ZNF337: variants seen among roughly 807,000 people sequenced by gnomAD.
ZNF337 encodes the protein zinc finger protein 337.
A neutral mutation model predicts 12.1 loss-of-function variants in ZNF337; 8 were observed. That is an observed-to-expected ratio of 0.66 (90% confidence interval 0.39 to 1.19). The LOEUF is 1.19. ZNF337 is among the 50% of genes most tolerant of loss of function. The probability of loss-of-function intolerance (pLI) is 0.01; values close to 1 mark genes in which losing one functional copy is unlikely to be tolerated. For synonymous variants in ZNF337, 336 were observed against 320.0 expected (o/e 1.05, Z -0.53); for missense variants, 882 against 896.6 (o/e 0.98, Z 0.21).
At chr20:25,686,671 G>A (rs1328132721) in intron 1 of ZNF337, 8 of 557,296 alleles carry the variant, frequency 1.4e-5, no homozygotes, top group Non-Finnish European at 2.2e-5. Flanking sequence ...TGCCCCAGGA[G>A]CTGGGTGACG....
chr20:25,693,311 AGGTAATCT>A (rs2065896256), intron 1 of ZNF337, among the ~76,000 whole-genome samples: 1 of 150,334 alleles, frequency 6.7e-6, no homozygotes, highest in Admixed American at 6.7e-5. Context: ...TCCTGGCCTC[AGGTAATCT>A]GCCCGCCTTG....
intron 3 of ZNF337, 45 bp from the exon 4 acceptor site, chr20:25,685,707 C>A (rs2065824409): frequency 6.4e-7 from 1 of 1,557,226 alleles, no homozygotes; most frequent in African/African-American, 1.4e-5. Flanking sequence ...TGGTTGTAGG[C>A]TCCACGGGCC....
rs911046020 is a variant in ZNF337, at chr20:25,674,440, C to G, written c.*592G>C. The G allele has an allele frequency of 3.9e-5, 6 of 152,524 alleles. No homozygotes were observed. Among genetic ancestry groups the G allele is most frequent in the Non-Finnish European group, 7.3e-5 (5 of 68,314 alleles). 9.4% of individuals were successfully genotyped at this position (152,524 alleles called of 1,614,324 possible). On this transcript the variant is annotated 3_prime_UTR_variant, in exon 5 of 5. Coordinates refer to ENST00000252979, the MANE Select transcript of ZNF337 (RefSeq NM_015655.4). ...AGCCTTTTCATAAGGGCACCTGATC[C>G]CATTCGCAAAGCTCTATCTTCGTGA...
At chr20:25,681,361 G>C (rs569216551) in intron 4 of ZNF337, 1 of 152,156 alleles carries the variant, frequency 6.6e-6, no homozygotes, top group African/African-American at 2.4e-5. Flanking sequence ...CCTTATGCAC[G>C]TGAAAACTCA....
chr20:25,677,462 A>C (rs1320915719), intron 4 of ZNF337: 2 of 157,476 alleles, frequency 1.3e-5, no homozygotes, highest in African/African-American at 4.8e-5. Flanking sequence ...AACAGAGTGA[A>C]GGACCAAAAG....
intron 1 of ZNF337, chr20:25,686,708 A>C (rs1017898037): frequency 3.4e-5 from 17 of 494,412 alleles, no homozygotes; most frequent in Non-Finnish European, 5.4e-5. Flanking sequence ...CTGAGGGGCT[A>C]AAAGGATGAG....
At chr20:25,692,920 C>CT (rs2065893410) in intron 1 of ZNF337, among the ~76,000 whole-genome samples, 1 of 152,142 alleles carries the variant, frequency 6.6e-6, no homozygotes, top group African/African-American at 2.4e-5. Context: ...CAAGACTTCA[C>CT]TATATACATT....
At position 25,675,925 on chromosome 20, in the gene ZNF337, A is replaced by C; in HGVS notation, c.1363T>G (p.Ser455Ala). The C allele has an allele frequency of 6.2e-7, 1 of 1,613,972 alleles. No homozygotes were observed. The highest frequency in any genetic ancestry group is 1.3e-5 in the African/African-American group (1 of 74,942). The change falls in exon 5 of 5, where the codon TCA (serine) becomes GCA (alanine). Residue 455 changes from serine to alanine, a missense_variant. Transcript: ENST00000252979. ...STLVKHQITH[S>A]EEKPFVCKDC... is the part of the protein sequence containing the mutation. ...TTGCACACAAAAGGCTTCTCCTCTG[A>C]GTGTGTGATCTGATGTTTCACAAGG...
Position 25,685,605 on chromosome 20 carries a change from C to CA in ZNF337, c.211dup (p.Trp71LeufsTer40). 6.2e-6 allele frequency: 10 copies of CA among 1,614,234 alleles called. No individual in the cohort carries two copies. The South Asian group carries it at 1.1e-4, about 18-fold the overall frequency. ...TGGCCGGCGTCTTCTCTCTTCTCCC[C>CA]AGGGCACTTCCCCTTGCTCTAGCCG... On this transcript the variant is annotated frameshift_variant, in exon 4 of 5. Transcript: ENST00000252979. LOFTEE classifies it low-confidence loss of function (END_TRUNC).
intron 4 of ZNF337, among the ~76,000 whole-genome samples, chr20:25,685,123 A>C (rs2065814440): frequency 6.6e-6 from 1 of 152,000 alleles, no homozygotes; most frequent in Non-Finnish European, 1.5e-5. Context: ...CTTAAATTAA[A>C]AAAAAAAAAG....
intron 3 of ZNF337, 120 bp downstream of exon 3, chr20:25,685,876 C>G: frequency 6.8e-7 from 1 of 1,470,940 alleles, no homozygotes; most frequent in Non-Finnish European, 9.2e-7. Context: ...GAAACTTTAC[C>G]AAAGCCAGAC....
chr20:25,676,204 G>A lies in ZNF337; in HGVS notation c.1084C>T (p.His362Tyr), dbSNP rs2065685127. ...TGTGTCCTCTGGTGTGTGATAAGGT[G>A]TGACTTATTGCTAAAGCCTCGGCCA... is the stretch of plus-strand genomic sequence containing the variant. ...ECGRGFSNKS[H>Y]LITHQRTHSG... The change falls in exon 5 of 5, where the codon CAC becomes TAC. Residue 362 changes from histidine (H) to tyrosine (Y), a missense_variant. Physicochemically the swap from His to Tyr is moderately conservative, Grantham distance 83. Transcript: ENST00000252979. 4.3e-6 allele frequency: 7 copies of A among 1,613,258 alleles called. No individual in the cohort carries two copies. Among genetic ancestry groups the A allele is most frequent in the Non-Finnish European group, 5.9e-6 (7 of 1,179,800 alleles).
Position 25,675,884 on chromosome 20 carries a change from G to T in ZNF337, c.1404C>A (p.Gly468=). The T allele has an allele frequency of 6.2e-7, 1 of 1,613,966 alleles. No individual in the cohort carries two copies. Among genetic ancestry groups the T allele is most frequent in the Non-Finnish European group, 8.5e-7 (1 of 1,179,992 alleles). Residue 468 remains glycine (G), a synonymous_variant, in exon 5 of 5, where the codon GGC becomes GGA. Coordinates refer to ENST00000252979, the MANE Select transcript of ZNF337 (RefSeq NM_015655.4). ...AAGTGAAGGTTGACTTTTGGATAAA[G>T]CCTCGTCCACAGTCCTTGCACACAA... The part of the protein sequence containing the change: ...KPFVCKDCGR[G]FIQKSTFTLH...
At chr20:25,692,814 C>A (rs1214237273) in intron 1 of ZNF337, among the ~76,000 whole-genome samples, 8 of 152,140 alleles carry the variant, frequency 5.3e-5, no homozygotes, top group Non-Finnish European at 1.2e-4. Context: ...AAACATTTAG[C>A]TCCTCCACGT....
intron 1 of ZNF337, among the ~76,000 whole-genome samples, chr20:25,687,923 C>T (rs1398412221): frequency 2.6e-5 from 4 of 152,200 alleles, no homozygotes; most frequent in Non-Finnish European, 5.9e-5. Context: ...AAGCCACTGG[C>T]CTCTTTCTGT....
intron 4 of ZNF337, among the ~76,000 whole-genome samples, chr20:25,680,215 C>A (rs545280142): frequency 4.0e-4 from 60 of 151,880 alleles, no homozygotes; most frequent in Non-Finnish European, 7.7e-4. Flanking sequence ...TGTTTGATAG[C>A]ACAGTAGCGT....
At chr20:25,695,136 T>G (rs1356346115) in intron 1 of ZNF337, among the ~76,000 whole-genome samples, 1 of 152,176 alleles carries the variant, frequency 6.6e-6, no homozygotes, top group Non-Finnish European at 1.5e-5. Context: ...CCAGGCGTGG[T>G]GGCGGGCGCC....
chr20:25,696,746 G>A lies in ZNF337; in HGVS notation c.-50+13C>T. 5.1e-6 allele frequency: 5 copies of A among 985,514 alleles called. No individual in the cohort carries two copies. The highest frequency in any genetic ancestry group is 1.1e-4 in the East Asian group (1 of 8,808). The allele number at this position is 985,514 out of a possible 1,614,324, so 61.0% of individuals were successfully genotyped here. On this transcript the variant is annotated intron_variant, in intron 1 of 4. Coordinates refer to ENST00000252979, the MANE Select transcript of ZNF337 (RefSeq NM_015655.4). ...GCGCGCTGCAGAGAGGGACCCGCAGGAGCGCAGCTCACCGGGGCGGCTGAG... is the reference window on the plus strand; with the variant it reads ...GCGCGCTGCAGAGAGGGACCCGCAGAAGCGCAGCTCACCGGGGCGGCTGAG...
At chr20:25,693,559 C>A (rs1035651759) in intron 1 of ZNF337, among the ~76,000 whole-genome samples, 1 of 152,176 alleles carries the variant, frequency 6.6e-6, no homozygotes, top group African/African-American at 2.4e-5. Context: ...CTGGTCTGCA[C>A]CACGAATGCA....
Sources: gnomAD v4.1 joint callset for allele counts (sites outside exome capture counted in the v4.1 genomes callset) on GRCh38, gnomAD v4.1.1 for gene constraint, MANE v1.5 for transcripts, NCBI Gene and HGNC (gene_info 2026-07-23, HGNC 2026-07-21) for gene names.